SLC4A7: variants seen among roughly 807,000 people sequenced by gnomAD.
SLC4A7 encodes the protein solute carrier family 4 member 7, also known as sodium bicarbonate cotransporter 3.
Under a neutral mutation model 137.6 loss-of-function variants are expected in SLC4A7, and 51 were observed. The observed-to-expected ratio is 0.37, with a 90% CI of 0.30 to 0.47. The LOEUF is 0.47. Ranked by LOEUF, SLC4A7 falls within the 20% of genes least tolerant of loss-of-function variation. The pLI is 1.00. For missense variants in SLC4A7, 1,247 were observed against 1,525.4 expected (o/e 0.82, Z 3.04); for synonymous variants, 542 against 518.6 (o/e 1.05, Z -0.61).
At chr3:27,458,873 C>CTACCT (rs1277568310) in intron 1 of SLC4A7, among the ~76,000 whole-genome samples, 1 of 152,166 alleles carries the variant, frequency 6.6e-6, no homozygotes, top group Non-Finnish European at 1.5e-5. Context: ...ACCTGTAACC[C>CTACCT]CAGCTACTCT....
intron 3 of SLC4A7, among the ~76,000 whole-genome samples, chr3:27,439,434 A>G (rs939493036): frequency 3.3e-5 from 5 of 152,194 alleles, no homozygotes; most frequent in Non-Finnish European, 5.9e-5. Flanking sequence ...TGAACTTCCT[A>G]CTGTATTAAA....
intron 13 of SLC4A7, among the ~76,000 whole-genome samples, chr3:27,406,236 G>C (rs1056183775): frequency 6.6e-6 from 1 of 152,144 alleles, no homozygotes; most frequent in African/African-American, 2.4e-5. Context: ...TGAAATGGCG[G>C]TGATGATAAC....
intron 1 of SLC4A7, among the ~76,000 whole-genome samples, chr3:27,470,652 A>AC (rs201885052): frequency 0.33 from 49,321 of 150,252 alleles, 8,646 homozygotes; most frequent in East Asian, 0.73. Context: ...AAAAAAAAAA[A>AC]AAAAAAACAG....
intron 23 of SLC4A7, among the ~76,000 whole-genome samples, chr3:27,385,410 A>G (rs2050834582): frequency 6.6e-6 from 1 of 152,192 alleles, no homozygotes; most frequent in South Asian, 2.1e-4. Flanking sequence ...ACTTTTTAAA[A>G]AAGATAATTA....
chr3:27,420,707 G>GT lies in SLC4A7; in HGVS notation c.1504dup (p.Thr502AsnfsTer3). ...TTGGAGTATTCTGATTACCTCATCT[G>GT]TCATGAGAGTGGCTATTGATCGTCC... On this transcript the variant is annotated frameshift_variant, in exon 10 of 26. Transcript: ENST00000454389. LOFTEE classifies it high-confidence loss of function. The GT allele has an allele frequency of 6.2e-7, 1 of 1,605,604 alleles. No homozygotes were observed. The highest frequency in any genetic ancestry group is 8.5e-7 in the Non-Finnish European group (1 of 1,172,340).
At chr3:27,386,086 G>T in intron 22 of SLC4A7, 63 bp from the exon 23 acceptor site, 1 of 1,263,502 alleles carries the variant, frequency 7.9e-7, no homozygotes, top group Non-Finnish European at 1.1e-6. Context: ...ACTTAAAGAG[G>T]AAAAGCATAT....
intron 3 of SLC4A7, among the ~76,000 whole-genome samples, chr3:27,437,957 G>A (rs2056869219): frequency 6.6e-6 from 1 of 152,328 alleles, no homozygotes; most frequent in East Asian, 1.9e-4. Context: ...AGCACTTTGA[G>A]AGGCAGAGGC....
chr3:27,456,889 A>G, intron 1 of SLC4A7: 2 of 1,361,370 alleles, frequency 1.5e-6, no homozygotes, highest in Non-Finnish European at 1.9e-6. Flanking sequence ...GGGTCACAGC[A>G]TAACAGATTT....
chr3:27,464,852 G>T (rs1425505660), intron 1 of SLC4A7, among the ~76,000 whole-genome samples: 4 of 152,164 alleles, frequency 2.6e-5, no homozygotes, highest in African/African-American at 4.8e-5. Flanking sequence ...GAAGAGCCTG[G>T]CCCCTCCTGT....
At chr3:27,410,010 T>C (rs1258742011) in intron 12 of SLC4A7, among the ~76,000 whole-genome samples, 1 of 152,216 alleles carries the variant, frequency 6.6e-6, no homozygotes, top group Non-Finnish European at 1.5e-5. Context: ...GTGGTATGAA[T>C]TCAGTAACTT....
rs2049907825 is a variant in SLC4A7, at chr3:27,376,539, A to G, written c.*225T>C. The G allele has an allele frequency of 3.2e-6, 1 of 309,264 alleles. No individual in the cohort carries two copies. The highest frequency in any genetic ancestry group is 5.9e-6 in the Non-Finnish European group (1 of 170,068). 19.2% of individuals were successfully genotyped at this position (309,264 alleles called of 1,614,324 possible). ...AAAACAGAAAATTTTTTTTTCTAAC[A>G]GAATAAATATTTGAATAGTTAAGAA... On this transcript the variant is annotated 3_prime_UTR_variant, in exon 26 of 26. Transcript: ENST00000454389.
rs2059850681 is a variant in SLC4A7, at chr3:27,484,324, G to A, written c.-198C>T. 2 of 361,132 alleles carry A rather than the reference G, an allele frequency of 5.5e-6. No homozygotes were observed. The highest frequency in any genetic ancestry group is 4.9e-6 in the Non-Finnish European group (1 of 205,760). The allele number at this position is 361,132 out of a possible 1,614,324, so 22.4% of individuals were successfully genotyped here. A position where few individuals can be genotyped will look rare whatever the true frequency, so the allele number is the denominator to read the frequency against. ...CGCGGGGCGTGCGTGTGCGCGCTGC[G>A]ACTGCTGGGCTGGCTTTAGTAGGAG... On this transcript the variant is annotated 5_prime_UTR_variant, in exon 1 of 26. Coordinates refer to ENST00000454389, the MANE Select transcript of SLC4A7 (RefSeq NM_001321103.2).
chr3:27,445,949 AAAAAAAAAAAAAAAATATATATAT>A (rs2057571069), intron 3 of SLC4A7, among the ~76,000 whole-genome samples: 1 of 47,434 alleles, frequency 2.1e-5, no homozygotes, highest in Non-Finnish European at 3.7e-5. Context: ...AAAAAAAAAA[AAAAAAAAAAAAAAAATATATATAT>A]ATATATATAT....
In SLC4A7 at chr3:27,452,516, T is replaced by C; in HGVS notation, c.61-18A>G. The C allele has an allele frequency of 6.4e-7, 1 of 1,561,964 alleles. No individual in the cohort carries two copies. Among genetic ancestry groups the C allele is most frequent in the Non-Finnish European group, 8.7e-7 (1 of 1,147,124 alleles). ...TCAGGACCCTAAAAACAAATTATTC[T>C]CATTGACTCATGAGATCACAATCTA... On this transcript the variant is annotated intron_variant, in intron 1 of 25. Coordinates refer to ENST00000454389, the MANE Select transcript of SLC4A7 (RefSeq NM_001321103.2).
At position 27,376,492 on chromosome 3, in the gene SLC4A7, T is replaced by C. The variant is rs1248455352; in HGVS notation, c.*272A>G. On this transcript the variant is annotated 3_prime_UTR_variant, in exon 26 of 26. Transcript: ENST00000454389. ...ATTTAAGAAAAGTAGACTGAAAGCA[T>C]TTCTCCACATCCTTCTATTGCAAAA... 2 of 228,938 alleles carry C rather than the reference T, an allele frequency of 8.7e-6. No homozygotes were observed. Among genetic ancestry groups the C allele is most frequent in the Non-Finnish European group, 1.7e-5 (2 of 119,412 alleles). The allele number at this position is 228,938 out of a possible 1,614,324, so 14.2% of individuals were successfully genotyped here. A position where few individuals can be genotyped will look rare whatever the true frequency, so the allele number is the denominator to read the frequency against.
chr3:27,443,714 C>T (rs150150528), intron 3 of SLC4A7, among the ~76,000 whole-genome samples: 12 of 152,300 alleles, frequency 7.9e-5, no homozygotes, highest in African/African-American at 2.6e-4. Flanking sequence ...CCTCACTCTG[C>T]ACAGTACCAT....
intron 15 of SLC4A7, among the ~76,000 whole-genome samples, chr3:27,401,762 T>C (rs2052766677): frequency 6.6e-6 from 1 of 152,198 alleles, no homozygotes; most frequent in Admixed American, 6.5e-5. Context: ...AATTCACATG[T>C]TAATTACCCA....
rs1486680615 is a variant in SLC4A7 at position 27,418,646 on chromosome 3, A to T, written c.1513-14T>A. The T allele has an allele frequency of 7.2e-6, 11 of 1,526,576 alleles. No individual in the cohort carries two copies. The highest frequency in any genetic ancestry group is 9.9e-6 in the Non-Finnish European group (11 of 1,113,948). 94.6% of individuals were successfully genotyped at this position (1,526,576 alleles called of 1,614,324 possible). A position where few individuals can be genotyped will look rare whatever the true frequency, so the allele number is the denominator to read the frequency against. On this transcript the variant is annotated splice_polypyrimidine_tract_variant and intron_variant, in intron 10 of 25. Coordinates refer to ENST00000454389, the MANE Select transcript of SLC4A7 (RefSeq NM_001321103.2). The stretch of plus-strand genomic sequence containing the variant: ...ATCATGGAAAATCTAAGTGAAAAAA[A>T]TATTGAGTAAAAGATTTTAAAGTTG...
At chr3:27,439,729 T>C (rs1220126291) in intron 3 of SLC4A7, among the ~76,000 whole-genome samples, 1 of 152,222 alleles carries the variant, frequency 6.6e-6, no homozygotes. Flanking sequence ...CTTGTCTTAT[T>C]ACACTGGCTA....
Sources: gnomAD v4.1 joint callset for allele counts (sites outside exome capture counted in the v4.1 genomes callset) on GRCh38, gnomAD v4.1.1 for gene constraint, MANE v1.5 for transcripts, NCBI Gene and HGNC (gene_info 2026-07-23, HGNC 2026-07-21) for gene names.